The following LRP2 variants were observed in gnomAD, a reference collection of about 807,000 sequenced individuals.
The protein encoded by LRP2 is LDL receptor related protein 2.
Under a neutral mutation model 531.0 loss-of-function variants are expected in LRP2, and 172 were observed. The observed-to-expected ratio is 0.32, with a 90% CI of 0.29 to 0.37. The LOEUF is 0.37. Ranked by LOEUF, LRP2 falls within the 10% of genes least tolerant of loss-of-function variation. The probability of loss-of-function intolerance (pLI) is 1.00; values close to 1 mark genes in which losing one functional copy is unlikely to be tolerated. For missense variants in LRP2, 5,167 were observed against 5,868.3 expected, an observed-to-expected ratio of 0.88 and a Z score of 3.90; for synonymous variants, 1,992 against 2,027.6, an observed-to-expected ratio of 0.98 and a Z score of 0.47.
chr2:169,271,078 G>T lies in LRP2; in HGVS notation c.2146C>A (p.Gln716Lys), dbSNP rs1199071599. ...AVQNFLIFSS[Q>K]VAIRGIPFTL... ...AACGGGATCCCACGAATAGCAACTT[G>T]GGATGAAAAAATGAGGAAATTCTGA... The change falls in exon 16 of 79, where the codon CAA becomes AAA. Residue 716 changes from glutamine (Q) to lysine (K), a missense_variant. By Grantham distance (53) the Gln-to-Lys change is moderately conservative (BLOSUM62 1). Around this residue, in one of 6 missense-constraint regions of LRP2, gnomAD observed 2,811 missense variants for 3,058.0 expected, o/e 0.92. Coordinates refer to ENST00000649046, the MANE Select transcript of LRP2 (RefSeq NM_004525.3). 1.2e-6 allele frequency: 2 copies of T among 1,612,820 alleles called. No individual in the cohort carries two copies. The highest frequency in any genetic ancestry group is 1.7e-6 in the Non-Finnish European group (2 of 1,179,302).
At chr2:169,157,904 T>C (rs988121441) in intron 63 of LRP2, among the ~76,000 whole-genome samples, 2 of 132,020 alleles carry the variant, frequency 1.5e-5, no homozygotes, top group Admixed American at 1.7e-4. Context: ...GATCGATAGA[T>C]AGATAACAGA....
At chr2:169,245,148 CCA>C (rs750820243) in intron 21 of LRP2, among the ~76,000 whole-genome samples, 1 of 151,960 alleles carries the variant, frequency 6.6e-6, no homozygotes, top group Non-Finnish European at 1.5e-5. Context: ...AGTTATGCAC[CCA>C]CACACATCAT....
chr2:169,162,086 C>G (rs569666493), intron 63 of LRP2, among the ~76,000 whole-genome samples: 1 of 152,264 alleles, frequency 6.6e-6, no homozygotes, highest in South Asian at 2.1e-4. Context: ...AAATATGTAG[C>G]CTTAAAGTGC....
intron 19 of LRP2, among the ~76,000 whole-genome samples, chr2:169,248,748 C>T (rs2105397522): frequency 7.4e-6 from 1 of 135,792 alleles, no homozygotes; most frequent in South Asian, 2.4e-4. Context: ...TAGGGAGTGC[C>T]AGACAGTGGG....
intron 62 of LRP2, among the ~76,000 whole-genome samples, chr2:169,164,522 T>C (rs1280531472): frequency 6.6e-6 from 1 of 152,232 alleles, no homozygotes; most frequent in East Asian, 1.9e-4. Flanking sequence ...TTCTGACCAA[T>C]GGACTATGAG....
chr2:169,199,703 C>A (rs923374885), intron 44 of LRP2, among the ~76,000 whole-genome samples: 1 of 152,066 alleles, frequency 6.6e-6, no homozygotes, highest in African/African-American at 2.4e-5. Flanking sequence ...AAAGTCATAC[C>A]TTTGACTGCA....
chr2:169,235,903 A>C lies in LRP2; in HGVS notation c.4857T>G (p.Leu1619=), dbSNP rs759289329. Residue 1619 remains leucine, a synonymous_variant, in exon 29 of 79, where the codon CTT becomes CTG. Transcript: ENST00000649046. The part of the protein sequence containing the change: ...NRLLYFMDSY[L]DYMDFCDYNG... ...TATAATCACAAAAGTCCATGTAATC[A>C]AGATAGGAGTCCATGAAGTAGAGCA... 7.4e-6 allele frequency: 12 copies of C among 1,614,080 alleles called. No individual in the cohort carries two copies. Among genetic ancestry groups the C allele is most frequent in the Admixed American group, 1.7e-5 (1 of 60,004 alleles).
Position 169,188,056 on chromosome 2 carries a change from T to G in LRP2, c.9242A>C (p.Lys3081Thr). Residue 3081 changes from lysine (K) to threonine (T), a missense_variant, in exon 49 of 79, where the codon AAG (lysine) becomes ACG (threonine). By Grantham distance (78) the Lys-to-Thr change is moderately conservative. Around this residue, in one of 6 missense-constraint regions of LRP2, gnomAD observed 1,129 missense variants for 1,362.7 expected, o/e 0.83. Coordinates refer to ENST00000649046, the MANE Select transcript of LRP2 (RefSeq NM_004525.3). ...CTCGATGCAGCGCCCATTGTCACAC[T>G]TGAACTCGTGAGGTGGACACGTGGG... Reference protein sequence around the residue: ...PEPTCPPHEFKCDNGRCIEMM... With the variant: ...PEPTCPPHEFTCDNGRCIEMM... 6.2e-7 allele frequency: 1 copy of G among 1,614,116 alleles called. No individual in the cohort carries two copies.
intron 63 of LRP2, 106 bp downstream of exon 63, chr2:169,162,366 T>C: frequency 7.5e-7 from 1 of 1,336,738 alleles, no homozygotes; most frequent in Non-Finnish European, 1.1e-6. Context: ...AAGCAAAAAG[T>C]ACATTAAGGA....
chr2:169,257,650 T>G (rs1356470443), intron 17 of LRP2, among the ~76,000 whole-genome samples: 1 of 151,942 alleles, frequency 6.6e-6, no homozygotes, highest in African/African-American at 2.4e-5. Flanking sequence ...GATTAAACAT[T>G]CAGGATCCTC....
intron 1 of LRP2, among the ~76,000 whole-genome samples, chr2:169,361,746 C>A (rs1454920489): frequency 2.0e-5 from 3 of 152,238 alleles, no homozygotes; most frequent in African/African-American, 7.2e-5. Context: ...CAGCCACTCT[C>A]TCGGCCAATC....
At chr2:169,195,908 C>A (rs2105317419) in intron 46 of LRP2, among the ~76,000 whole-genome samples, 1 of 152,150 alleles carries the variant, frequency 6.6e-6, no homozygotes, top group South Asian at 2.1e-4. Context: ...TACTAATGAT[C>A]CTAAGAAAAT....
rs1038474577 is a variant in LRP2, at chr2:169,362,444, G to T, written c.-45C>A. The stretch of plus-strand genomic sequence containing the variant: ...CTCGCCGTTCCTTCCCCGGGAGGTG[G>T]GCGCGCGTAGCACACCGCACCGGCA... On this transcript the variant is annotated 5_prime_UTR_variant, in exon 1 of 79. Coordinates refer to ENST00000649046, the MANE Select transcript of LRP2 (RefSeq NM_004525.3). 5 of 1,489,354 alleles carry T rather than the reference G, an allele frequency of 3.4e-6. No individual in the cohort carries two copies. Among genetic ancestry groups the T allele is most frequent in the Admixed American group, 2.0e-5 (1 of 50,982 alleles). The allele number at this position is 1,489,354 out of a possible 1,614,324, so 92.3% of individuals were successfully genotyped here.
intron 16 of LRP2, 36 bp downstream of exon 16, chr2:169,270,868 C>T (rs765626976): frequency 1.3e-6 from 2 of 1,484,392 alleles, no homozygotes; most frequent in South Asian, 1.2e-5. Context: ...GCAAAACACG[C>T]ATACACACAC....
chr2:169,311,571 G>A (rs950108574), intron 3 of LRP2, among the ~76,000 whole-genome samples: 2 of 152,188 alleles, frequency 1.3e-5, no homozygotes, highest in Non-Finnish European at 2.9e-5. Context: ...GAGACAGTTT[G>A]TTATAATTTC....
chr2:169,280,311 T>A, intron 11 of LRP2, 39 bp downstream of exon 11: 2 of 1,611,556 alleles, frequency 1.2e-6, no homozygotes, highest in East Asian at 4.5e-5. Flanking sequence ...CAACACTTTG[T>A]GCTCAGGGTT....
intron 62 of LRP2, among the ~76,000 whole-genome samples, chr2:169,164,558 C>A (rs1249131909): frequency 6.6e-6 from 1 of 152,224 alleles, no homozygotes; most frequent in Non-Finnish European, 1.5e-5. Context: ...CATTTCCAGG[C>A]TCAGGAAGTT....
chr2:169,237,190 A>T lies in LRP2; in HGVS notation c.4604T>A (p.Val1535Asp). Residue 1535 changes from valine (V) to aspartate (D), a missense_variant, in exon 28 of 79, where the codon GTC becomes GAC. By Grantham distance (152) the Val-to-Asp change is radical. This residue lies in a region of LRP2 where 2,811 missense variants were observed against 3,058.0 expected (regional missense o/e 0.92). Transcript: ENST00000649046. Reference sequence around the variant, plus strand: ...CCTGTGGCTCCCATCAATTTTGGAGACTTCAATTGTTTCCAGAGCATAGTC... The same window carrying T: ...CCTGTGGCTCCCATCAATTTTGGAGTCTTCAATTGTTTCCAGAGCATAGTC... ...WTDYALETIE[V>D]SKIDGSHRTV... 2 of 1,613,848 alleles carry T rather than the reference A, an allele frequency of 1.2e-6. No homozygotes were observed.
intron 1 of LRP2, among the ~76,000 whole-genome samples, chr2:169,361,387 T>C (rs1686155905): frequency 1.4e-5 from 2 of 143,896 alleles, no homozygotes; most frequent in East Asian, 4.1e-4. Flanking sequence ...CCTCTCTCTC[T>C]CTCTCTCTGT....
Sources: allele counts gnomAD v4.1 joint callset (sites outside exome capture counted in the v4.1 genomes callset), GRCh38; gene constraint gnomAD v4.1.1; regional missense constraint gnomAD v4.1.1; transcripts MANE v1.5; gene names NCBI Gene and HGNC (gene_info 2026-07-23, HGNC 2026-07-21).